MED25: variants seen among roughly 807,000 people sequenced by gnomAD.
MED25 encodes the protein mediator of RNA polymerase II transcription subunit 25.
A neutral mutation model predicts 89.4 loss-of-function variants in MED25; 62 were observed. The observed-to-expected ratio is 0.69, with a 90% CI of 0.57 to 0.86. The LOEUF is 0.86. Among genes scored for constraint, MED25 ranks in the 40% least tolerant of loss-of-function variants. The pLI, the probability that MED25 is intolerant of heterozygous loss-of-function variation, is 0.00. For synonymous variants in MED25, 449 were observed against 427.9 expected (o/e 1.05, Z -0.61); for missense variants, 905 against 1,005.2 (o/e 0.90, Z 1.35).
chr19:49,828,604 C>G, intron 4 of MED25, 57 bp downstream of exon 4: 1 of 1,400,366 alleles, frequency 7.1e-7, no homozygotes. Flanking sequence ...CCTGGAACCA[C>G]TTTGCCTGTC....
At chr19:49,828,568 G>A (rs2123876049) in intron 4 of MED25, 21 bp downstream of exon 4, 2 of 1,587,506 alleles carry the variant, frequency 1.3e-6, no homozygotes, top group Middle Eastern at 1.7e-4. Context: ...CCTCCACCCA[G>A]GCCGGGCCGG....
In MED25 at chr19:49,835,523, T is replaced by C. The variant is rs1568625344; in HGVS notation, c.1675-11T>C. 2 of 1,547,336 alleles carry C rather than the reference T, an allele frequency of 1.3e-6. No individual in the cohort carries two copies. The highest frequency in any genetic ancestry group is 1.7e-6 in the Non-Finnish European group (2 of 1,145,984). ...CCTCAGTTACTGACCTGCCCCTCTC[T>C]CCCCGTGCAGATGGGGGGACAGCAG... On this transcript the variant is annotated splice_polypyrimidine_tract_variant and intron_variant, in intron 14 of 17. Coordinates refer to ENST00000312865, the MANE Select transcript of MED25 (RefSeq NM_030973.4). The surrounding 1 kb of genome is among the most constrained non-coding windows in gnomAD (Gnocchi z 6.2).
chr19:49,831,013 CGTG>C lies in MED25; in HGVS notation c.1101+130_1101+132del. The C allele has an allele frequency of 9.2e-7, 1 of 1,092,880 alleles. No individual in the cohort carries two copies. Among genetic ancestry groups the C allele is most frequent in the South Asian group, 1.3e-5 (1 of 78,468 alleles). 67.7% of individuals were successfully genotyped at this position (1,092,880 alleles called of 1,614,324 possible). ...TCGTGGTTCTGGGGCTTTGGGGGCTCGTGGTGTGTGTGCTGCAGATGCCTGAGA... is the reference window on the plus strand; with the variant it reads ...TCGTGGTTCTGGGGCTTTGGGGGCTCGTGTGTGTGCTGCAGATGCCTGAGA... On this transcript the variant is annotated intron_variant, in intron 9 of 17. Transcript: ENST00000312865. This position sits in a 1 kb window ranked among gnomAD's most constrained non-coding sequence, Gnocchi z 5.0.
chr19:49,824,538 T>C (rs962098870), intron 3 of MED25, among the ~76,000 whole-genome samples: 3 of 150,486 alleles, frequency 2.0e-5, no homozygotes, highest in Admixed American at 6.6e-5. Context: ...TGAGCCGAGA[T>C]TGTGCCACCG....
rs1349434117 is a variant in MED25, at chr19:49,819,235, G to A, written c.244G>A (p.Val82Ile). The A allele has an allele frequency of 2.5e-6, 4 of 1,614,212 alleles. No homozygotes were observed. Among genetic ancestry groups the A allele is most frequent in the East Asian group, 2.2e-5 (1 of 44,882 alleles). Reference sequence around the variant, plus strand: ...AGTGGACTGCGCTCCCGAGTCCTACGTACAATGTCACGCTCCCACCAGCAG... The same window carrying A: ...AGTGGACTGCGCTCCCGAGTCCTACATACAATGTCACGCTCCCACCAGCAG... ...NTVDCAPESY[V>I]QCHAPTSSAY... Residue 82 changes from valine to isoleucine, a missense_variant, in exon 3 of 18, where the codon GTA becomes ATA. By Grantham distance (29) the Val-to-Ile change is conservative (BLOSUM62 3). This residue lies in a region of MED25 where 501 missense variants were observed against 526.9 expected (regional missense o/e 0.95). Transcript: ENST00000312865.
chr19:49,831,002 C>A lies in MED25; in HGVS notation c.1101+115C>A. 8.5e-7 allele frequency: 1 copy of A among 1,175,048 alleles called. No individual in the cohort carries two copies. The highest frequency in any genetic ancestry group is 1.3e-6 in the Non-Finnish European group (1 of 797,380). 72.8% of individuals were successfully genotyped at this position (1,175,048 alleles called of 1,614,324 possible). ...GGATGTGGCTCTCGTGGTTCTGGGG[C>A]TTTGGGGGCTCGTGGTGTGTGTGCT... On this transcript the variant is annotated intron_variant, in intron 9 of 17. Coordinates refer to ENST00000312865, the MANE Select transcript of MED25 (RefSeq NM_030973.4). The surrounding 1 kb of genome is among the most constrained non-coding windows in gnomAD (Gnocchi z 5.0).
chr19:49,828,368 A>G (rs985459017), intron 3 of MED25, 81 bp from the exon 4 acceptor site: 1 of 944,608 alleles, frequency 1.1e-6, no homozygotes, highest in South Asian at 1.3e-5. Flanking sequence ...AGTGGGGGAC[A>G]GCATGGGAGC....
chr19:49,835,837 A>G lies in MED25; in HGVS notation c.1857A>G (p.Gln619=), dbSNP rs771028603. 7 of 1,611,652 alleles carry G rather than the reference A, an allele frequency of 4.3e-6. No individual in the cohort carries two copies. In the East Asian group the frequency reaches 1.1e-4, roughly 26 times the overall value. ...CCCAGCCCCCGCCAGGTGCCCCTCAAGGCCCTCCTGGAGCAGCTTCTGGCC... is the reference window on the plus strand; with the variant it reads ...CCCAGCCCCCGCCAGGTGCCCCTCAGGGCCCTCCTGGAGCAGCTTCTGGCC... ...GTAQPPPGAP[Q]GPPGAASGPP... is the part of the protein sequence containing the mutation. The change falls in exon 16 of 18, where the codon CAA becomes CAG. Residue 619 remains glutamine, a synonymous_variant. Coordinates refer to ENST00000312865, the MANE Select transcript of MED25 (RefSeq NM_030973.4). This position sits in a 1 kb window ranked among gnomAD's most constrained non-coding sequence, Gnocchi z 6.2.
At chr19:49,832,563 T>C (rs941015727) in intron 13 of MED25, 148 bp downstream of exon 13, 1 of 671,046 alleles carries the variant, frequency 1.5e-6, no homozygotes, top group African/African-American at 1.8e-5. Context: ...TCGCCTTTCT[T>C]CTAGAGCCGT....
chr19:49,819,149 A>G, intron 2 of MED25, 23 bp from the exon 3 acceptor site: 2 of 1,613,970 alleles, frequency 1.2e-6, no homozygotes. Context: ...CCAGATTAAA[A>G]GTTTTCTGTC....
In MED25 at chr19:49,830,649, C is replaced by A. The variant is rs775214923; in HGVS notation, c.908-45C>A. 1.2e-6 allele frequency: 2 copies of A among 1,612,612 alleles called. No individual in the cohort carries two copies. The highest frequency in any genetic ancestry group is 8.5e-7 in the Non-Finnish European group (1 of 1,178,590). ...GCGGGCAGGGGCCAGGCAGGCCTCT[C>A]TCCACACACTTGTTCCCCACTTCTT... On this transcript the variant is annotated intron_variant, in intron 8 of 17. Transcript: ENST00000312865. The surrounding 1 kb of genome is among the most constrained non-coding windows in gnomAD (Gnocchi z 4.6).
chr19:49,818,895 TG>T, intron 2 of MED25: 1 of 557,370 alleles, frequency 1.8e-6, no homozygotes, highest in Non-Finnish European at 3.2e-6. Flanking sequence ...TCTGGACTGC[TG>T]GGTCTGAGAA....
At chr19:49,828,407 G>C (rs911262728) in intron 3 of MED25, 42 bp from the exon 4 acceptor site, 5 of 1,353,320 alleles carry the variant, frequency 3.7e-6, no homozygotes, top group Non-Finnish European at 5.2e-6. Flanking sequence ...CTGGGGATGG[G>C]GATGATGGCA....
chr19:49,825,900 A>T (rs1349382911), intron 3 of MED25, among the ~76,000 whole-genome samples: 1 of 150,446 alleles, frequency 6.6e-6, no homozygotes, highest in East Asian at 2.0e-4. Context: ...CCATTCCCCC[A>T]TCCCCCCATC....
intron 3 of MED25, among the ~76,000 whole-genome samples, chr19:49,825,085 GCTT>G (rs1210123134): frequency 2.6e-5 from 4 of 152,156 alleles, no homozygotes; most frequent in African/African-American, 4.8e-5. Context: ...CAGCCATAGT[GCTT>G]CTTCTGTTCA....
chr19:49,830,350 C>T lies in MED25; in HGVS notation c.819+132C>T. The T allele has an allele frequency of 2.5e-6, 3 of 1,180,554 alleles. No homozygotes were observed. Among genetic ancestry groups the T allele is most frequent in the East Asian group, 2.5e-5 (1 of 39,774 alleles). The allele number at this position is 1,180,554 out of a possible 1,614,324, so 73.1% of individuals were successfully genotyped here. ...CATGGGACATTGGGAAGGTGGGACT[C>T]TTGGGGCCATGGAAGCTCATGTGCT... On this transcript the variant is annotated intron_variant, in intron 7 of 17. Coordinates refer to ENST00000312865, the MANE Select transcript of MED25 (RefSeq NM_030973.4). The surrounding 1 kb of genome is among the most constrained non-coding windows in gnomAD (Gnocchi z 4.6).
rs1182901692 is a variant in MED25 at position 49,830,597 on chromosome 19, C to A, written c.906C>A (p.Arg302=). The A allele has an allele frequency of 6.2e-7, 1 of 1,614,156 alleles. No homozygotes were observed. The highest frequency in any genetic ancestry group is 8.5e-7 in the Non-Finnish European group (1 of 1,179,984). The change falls in exon 8 of 18, where the codon CGC becomes CGA. Residue 302 remains arginine, a splice_region_variant and synonymous_variant. Transcript: ENST00000312865. This position sits in a 1 kb window ranked among gnomAD's most constrained non-coding sequence, Gnocchi z 4.6. ...ACCAGAAGGCTGGGCTGGGCCCTCG[C>A]TGTGAGTCCTGGAGTGAGGATGAAG... ...AKNQKAGLGP[R]FSPITPLQQA...
intron 3 of MED25, among the ~76,000 whole-genome samples, chr19:49,820,259 C>T (rs2073972995): frequency 1.3e-5 from 2 of 152,210 alleles, no homozygotes; most frequent in South Asian, 4.1e-4. Context: ...CTTTTATACA[C>T]ACTTCACAAA....
rs2074093886 is a variant in MED25, at chr19:49,835,878, C to A, written c.1898C>A (p.Pro633His). 6.2e-7 allele frequency: 1 copy of A among 1,612,792 alleles called. No homozygotes were observed. The highest frequency in any genetic ancestry group is 1.1e-5 in the South Asian group (1 of 91,084). The change falls in exon 16 of 18, where the codon CCC (proline) becomes CAC (histidine). Residue 633 changes from proline to histidine, a missense_variant. Transcript: ENST00000312865. This position sits in a 1 kb window ranked among gnomAD's most constrained non-coding sequence, Gnocchi z 6.2. ...GCTTCTGGCCCACCCCCTCCTGGAC[C>A]CATCCTTCGGCCCCAGAACCCTGGG... ...GAASGPPPPGPILRPQNPGAN... is the reference protein window; with the variant it reads ...GAASGPPPPGHILRPQNPGAN...
Sources: gnomAD v4.1 joint callset for allele counts (sites outside exome capture counted in the v4.1 genomes callset) on GRCh38, gnomAD v4.1.1 for gene constraint, gnomAD v4.1.1 regional missense constraint, Gnocchi (gnomAD v3.1) non-coding constraint, MANE v1.5 for transcripts, NCBI Gene and HGNC (gene_info 2026-07-23, HGNC 2026-07-21) for gene names.